The following EPM2A variants were observed in gnomAD, a reference collection of about 807,000 sequenced individuals.
EPM2A encodes laforin.
In EPM2A, 21 loss-of-function variants were observed where a neutral mutation model predicts 26.5. The ratio of observed to expected loss-of-function variants is 0.79; its 90% confidence interval spans 0.56 to 1.14. The LOEUF is 1.14. EPM2A is among the 50% of genes most tolerant of loss of function. The pLI is 0.00. For synonymous variants in EPM2A, 217 were observed against 177.6 expected (o/e 1.22, Z -1.76); for missense variants, 458 against 440.8 (o/e 1.04, Z -0.35).
intron 2 of EPM2A, among the ~76,000 whole-genome samples, chr6:145,671,674 C>T (rs1223193572): frequency 1.3e-5 from 2 of 152,180 alleles, no homozygotes; most frequent in African/African-American, 2.4e-5. Context: ...GCTCCTTAGT[C>T]TGTCTCCAAA....
chr6:145,470,410 G>T (rs974830373), intron 4 of EPM2A, among the ~76,000 whole-genome samples: 1 of 151,956 alleles, frequency 6.6e-6, no homozygotes, highest in Non-Finnish European at 1.5e-5. Flanking sequence ...AAAATATTTT[G>T]CCATTCTAGT....
At chr6:145,554,729 G>T (rs550102620) in intron 2 of EPM2A, among the ~76,000 whole-genome samples, 211 of 152,136 alleles carry the variant, frequency 1.4e-3, no homozygotes, top group African/African-American at 4.9e-3. Context: ...TCATCATGCG[G>T]GCCTATCTGA....
At chr6:145,396,953 C>T (rs1156575681) in intron 4 of EPM2A, among the ~76,000 whole-genome samples, 1 of 152,148 alleles carries the variant, frequency 6.6e-6, no homozygotes, top group Non-Finnish European at 1.5e-5. Context: ...CTGGCCAATC[C>T]CACAGCACTT....
chr6:145,474,190 G>C (rs1428081571), intron 4 of EPM2A, among the ~76,000 whole-genome samples: 1 of 152,098 alleles, frequency 6.6e-6, no homozygotes, highest in South Asian at 2.1e-4. Flanking sequence ...GGACCAGCGT[G>C]GTGGCTCATG....
chr6:145,685,546 C>A (rs779672029), intron 2 of EPM2A, among the ~76,000 whole-genome samples: 5 of 151,826 alleles, frequency 3.3e-5, no homozygotes, highest in African/African-American at 1.2e-4. Flanking sequence ...GAAAAACTAA[C>A]CATAAAGTGA....
intron 2 of EPM2A, among the ~76,000 whole-genome samples, chr6:145,514,146 G>C (rs1780093266): frequency 6.6e-6 from 1 of 152,150 alleles, no homozygotes; most frequent in African/African-American, 2.4e-5. Context: ...ATTGCAAGGA[G>C]TCTAAAAAAT....
chr6:145,729,766 G>A lies in EPM2A; in HGVS notation c.301+5432C>T, dbSNP rs577362707. 4.6e-5 allele frequency among the ~76,000 whole-genome samples: 7 copies of A among 152,302 alleles called. No individual in the cohort carries two copies. In the South Asian group the frequency reaches 1.5e-3, roughly 32 times the overall value. ...AAATAAGCTGAGACTTTGGGGGACC[G>A]TTGAGAAGGAAAGATTGTATTTTAC... On this transcript the variant is annotated intron_variant, in intron 1 of 3. Transcript: ENST00000367519.
intron 1 of EPM2A, among the ~76,000 whole-genome samples, chr6:145,703,912 A>G (rs754188636): frequency 6.6e-6 from 1 of 152,236 alleles, no homozygotes; most frequent in Non-Finnish European, 1.5e-5. Context: ...CTGTGTGATG[A>G]TCTTCTGATG....
intron 2 of EPM2A, chr6:145,684,886 CCAA>C: frequency 6.6e-6 from 1 of 152,232 alleles, no homozygotes; most frequent in Non-Finnish European, 1.5e-5. Flanking sequence ...ATCAGCAAAG[CCAA>C]CATCTACCAG....
downstream of EPM2A, among the ~76,000 whole-genome samples, chr6:145,622,779 TC>T (rs1359883491): frequency 6.6e-6 from 1 of 152,176 alleles, no homozygotes; most frequent in East Asian, 1.9e-4. Context: ...ACTTCTACAC[TC>T]CAGATCCATG....
intron 3 of EPM2A, chr6:145,634,593 T>G (rs1228049002): frequency 1.3e-5 from 2 of 152,936 alleles, no homozygotes; most frequent in East Asian, 3.8e-4. Flanking sequence ...TCTAAAGTCC[T>G]TTTTGTCGCT....
intron 1 of EPM2A, among the ~76,000 whole-genome samples, chr6:145,707,173 A>C (rs1782270030): frequency 6.6e-6 from 1 of 152,212 alleles, no homozygotes; most frequent in African/African-American, 2.4e-5. Flanking sequence ...AGCAGCCTGA[A>C]AAGGCTAAGA....
intron 2 of EPM2A, among the ~76,000 whole-genome samples, chr6:145,574,942 A>G (rs1781010016): frequency 1.3e-5 from 2 of 152,136 alleles, no homozygotes; most frequent in African/African-American, 4.8e-5. Context: ...TAGAAAACTC[A>G]AACAGTTCTT....
intron 1 of EPM2A, among the ~76,000 whole-genome samples, chr6:145,690,326 A>G (rs1781194851): frequency 6.6e-6 from 1 of 151,682 alleles, no homozygotes; most frequent in Non-Finnish European, 1.5e-5. Flanking sequence ...CTGGCTAACA[A>G]GGTGAAACCC....
At chr6:145,663,489 AG>A (rs1316582856) in intron 2 of EPM2A, among the ~76,000 whole-genome samples, 1 of 152,212 alleles carries the variant, frequency 6.6e-6, no homozygotes, top group Non-Finnish European at 1.5e-5. Flanking sequence ...AGTCAAAGAA[AG>A]GGGTGAAAAG....
At chr6:145,515,007 T>C (rs962688683) in intron 2 of EPM2A, among the ~76,000 whole-genome samples, 3 of 152,186 alleles carry the variant, frequency 2.0e-5, no homozygotes, top group Non-Finnish European at 2.9e-5. Flanking sequence ...AGCTCTGCAC[T>C]AGCTGCCTTC....
At chr6:145,517,951 T>A (rs531340213) in intron 2 of EPM2A, among the ~76,000 whole-genome samples, 9 of 152,074 alleles carry the variant, frequency 5.9e-5, no homozygotes, top group East Asian at 1.9e-4. Context: ...GAAAAAAAAA[T>A]TTTATCCTTC....
intron 1 of EPM2A, among the ~76,000 whole-genome samples, chr6:145,687,987 C>T (rs557263646): frequency 3.4e-4 from 51 of 152,200 alleles, no homozygotes; most frequent in Non-Finnish European, 6.0e-4. Context: ...TTCTGATGCA[C>T]ACAGAGATAC....
intron 4 of EPM2A, among the ~76,000 whole-genome samples, chr6:145,486,377 T>G (rs2114737440): frequency 6.6e-6 from 1 of 152,330 alleles, no homozygotes; most frequent in South Asian, 2.1e-4. Flanking sequence ...ATTTATATAG[T>G]AAAATCATTA....
Sources: allele counts gnomAD v4.1 joint callset (sites outside exome capture counted in the v4.1 genomes callset), GRCh38; gene constraint gnomAD v4.1.1; transcripts MANE v1.5; gene names NCBI Gene and HGNC (gene_info 2026-07-23, HGNC 2026-07-21).